Variants in ASXL3 observed in about 807,000 individuals in gnomAD.
The protein encoded by ASXL3 is putative Polycomb group protein ASXL3.
Under a neutral mutation model 170.6 loss-of-function variants are expected in ASXL3, and 34 were observed. That is an observed-to-expected ratio of 0.20 (90% CI 0.15 to 0.27). The LOEUF is 0.27. Ranked by LOEUF, ASXL3 falls within the 10% of genes least tolerant of loss-of-function variation. The pLI is 1.00. For synonymous variants in ASXL3, 1,002 were observed against 989.1 expected (o/e 1.01, Z -0.24); for missense variants, 2,592 against 2,695.3 (o/e 0.96, Z 0.85).
intron 8 of ASXL3, among the ~76,000 whole-genome samples, chr18:33,713,262 T>G (rs1160014437): frequency 1.7e-5 from 2 of 118,718 alleles, no homozygotes; most frequent in Non-Finnish European, 3.5e-5. Context: ...TTTTTTTTTT[T>G]TTTTTTTTTT....
At chr18:33,623,376 A>T (rs1199707305) in intron 2 of ASXL3, among the ~76,000 whole-genome samples, 1 of 152,134 alleles carries the variant, frequency 6.6e-6, no homozygotes, top group Non-Finnish European at 1.5e-5. Context: ...AGATTGAATG[A>T]GTGGAAATTT....
intron 8 of ASXL3, among the ~76,000 whole-genome samples, chr18:33,686,680 G>C (rs1010306096): frequency 6.6e-6 from 1 of 152,200 alleles, no homozygotes; most frequent in Non-Finnish European, 1.5e-5. Context: ...GGGCTATTCT[G>C]CTGAGGGGGA....
Position 33,607,600 on chromosome 18 carries a change from G to A in ASXL3, c.61G>A (p.Glu21Lys), listed in dbSNP as rs1403183821. The A allele has an allele frequency of 6.3e-7, 1 of 1,583,614 alleles. No individual in the cohort carries two copies. Among genetic ancestry groups the A allele is most frequent in the Middle Eastern group, 1.7e-4 (1 of 6,002 alleles). ...TWAEAARLAL[E>K]KHPNSPMTAK... ...TCTTATGTTTATATTTTAGGCACTA[G>A]AAAAACACCCCAACTCACCAATGAC... The change falls in exon 2 of 12, where the codon GAA becomes AAA. Residue 21 changes from glutamate to lysine, a missense_variant. Glu to Lys is a moderately conservative substitution (Grantham distance 56). Transcript: ENST00000269197.
chr18:33,647,845 G>A (rs1175448310), intron 4 of ASXL3, among the ~76,000 whole-genome samples: 1 of 152,020 alleles, frequency 6.6e-6, no homozygotes, highest in African/African-American at 2.4e-5. Flanking sequence ...GTGATATGGG[G>A]CAAAATACAT....
At chr18:33,637,017 A>G (rs1381674186) in intron 2 of ASXL3, among the ~76,000 whole-genome samples, 1 of 152,102 alleles carries the variant, frequency 6.6e-6, no homozygotes, top group Non-Finnish European at 1.5e-5. Flanking sequence ...ACGTTTGTGA[A>G]TTTTCAATGC....
chr18:33,733,723 CT>C (rs1175630628), intron 9 of ASXL3, among the ~76,000 whole-genome samples: 1 of 152,072 alleles, frequency 6.6e-6, no homozygotes, highest in East Asian at 1.9e-4. Context: ...TTATTTCTTG[CT>C]GTTTTACTCA....
At position 33,746,739 on chromosome 18, in the gene ASXL3, T is replaced by A; in HGVS notation, c.*144T>A. 1 of 1,324,564 alleles carries A rather than the reference T, an allele frequency of 7.5e-7. No homozygotes were observed. Among genetic ancestry groups the A allele is most frequent in the Non-Finnish European group, 1.0e-6 (1 of 1,004,776 alleles). 82.1% of individuals were successfully genotyped at this position (1,324,564 alleles called of 1,614,324 possible). A position where few individuals can be genotyped will look rare whatever the true frequency, so the allele number is the denominator to read the frequency against. ...GTACCTTTCCTCTATGGCATTATTTTCTTGCATTTCTCATAAAGGGGAGGA... is the reference window on the plus strand; with the variant it reads ...GTACCTTTCCTCTATGGCATTATTTACTTGCATTTCTCATAAAGGGGAGGA... On this transcript the variant is annotated 3_prime_UTR_variant, in exon 12 of 12. Transcript: ENST00000269197.
At chr18:33,740,589 T>C (rs1599567220) in intron 11 of ASXL3, 146 bp downstream of exon 11, 1 of 814,066 alleles carries the variant, frequency 1.2e-6, no homozygotes, top group East Asian at 2.7e-5. Flanking sequence ...AATGATCCTC[T>C]TTATGACTAT....
chr18:33,710,109 A>G (rs956586516), intron 8 of ASXL3, among the ~76,000 whole-genome samples: 7 of 152,170 alleles, frequency 4.6e-5, no homozygotes, highest in African/African-American at 1.4e-4. Context: ...TACAAAAATT[A>G]GTCAGGCGTG....
intron 3 of ASXL3, 100 bp from the exon 4 acceptor site, chr18:33,646,145 A>T (rs2065910111): frequency 3.8e-6 from 3 of 795,242 alleles, no homozygotes; most frequent in Non-Finnish European, 5.8e-6. Flanking sequence ...ATGTTAAGTC[A>T]CAAATAACTG....
intron 8 of ASXL3, among the ~76,000 whole-genome samples, chr18:33,729,135 A>T (rs890770238): frequency 2.0e-5 from 3 of 152,302 alleles, no homozygotes; most frequent in Admixed American, 1.3e-4. Flanking sequence ...CTGGAACAAG[A>T]ACTGTAGGAC....
At chr18:33,695,993 A>C (rs188182942) in intron 8 of ASXL3, among the ~76,000 whole-genome samples, 124 of 152,232 alleles carry the variant, frequency 8.1e-4, no homozygotes, top group African/African-American at 2.7e-3. Context: ...CCTAAATATG[A>C]AAAAGAGACA....
chr18:33,623,560 T>C (rs2065551561), intron 2 of ASXL3, among the ~76,000 whole-genome samples: 1 of 152,116 alleles, frequency 6.6e-6, no homozygotes, highest in Non-Finnish European at 1.5e-5. Context: ...TTGTAAGATA[T>C]TTAGTTTATG....
At chr18:33,722,843 G>C (rs2067285741) in intron 8 of ASXL3, among the ~76,000 whole-genome samples, 1 of 152,132 alleles carries the variant, frequency 6.6e-6, no homozygotes, top group African/African-American at 2.4e-5. Context: ...CCTTCTGTTA[G>C]GTGCTAATGC....
chr18:33,643,316 T>G (rs1362356806), intron 2 of ASXL3, among the ~76,000 whole-genome samples: 1 of 151,880 alleles, frequency 6.6e-6, no homozygotes, highest in Admixed American at 6.6e-5. Context: ...TTTATAGGTA[T>G]GCCTGGGCCC....
rs530549035 is a variant in ASXL3 at position 33,625,055 on chromosome 18, C to G, written c.137+17379C>G. ...TAGGATCACTGCCACGTTAATACTC[C>G]TTTATCATTTAAGATACAGATGGTT... On this transcript the variant is annotated intron_variant, in intron 2 of 11. Coordinates refer to ENST00000269197, the MANE Select transcript of ASXL3 (RefSeq NM_030632.3). Among the ~76,000 whole-genome samples, 3 of 152,240 alleles carry G rather than the reference C, an allele frequency of 2.0e-5. No homozygotes were observed. The East Asian group carries it at 5.8e-4, about 29-fold the overall frequency.
chr18:33,627,420 C>T (rs752144503), intron 2 of ASXL3, among the ~76,000 whole-genome samples: 1 of 152,228 alleles, frequency 6.6e-6, no homozygotes, highest in South Asian at 2.1e-4. Flanking sequence ...CATATTTTAA[C>T]CACAAATTTA....
At position 33,739,469 on chromosome 18, in the gene ASXL3, A is replaced by C. The variant is rs563644271; in HGVS notation, c.2065A>C (p.Ile689Leu). 65 of 1,613,990 alleles carry C rather than the reference A, an allele frequency of 4.0e-5. 1 individual carries two copies. In the East Asian group the frequency reaches 1.3e-3, roughly 33 times the overall value. ...EISPISTSPEISEASLMSNLP... is the reference protein window; with the variant it reads ...EISPISTSPELSEASLMSNLP... Reference sequence around the variant, plus strand: ...ATCTCCAATATCCACTTCACCTGAAATATCAGAAGCATCTCTTATGTCCAA... The same window carrying C: ...ATCTCCAATATCCACTTCACCTGAACTATCAGAAGCATCTCTTATGTCCAA... Residue 689 changes from isoleucine (I) to leucine (L), a missense_variant, in exon 11 of 12, where the codon ATA becomes CTA. This residue lies in a region of ASXL3 where 2,246 missense variants were observed against 2,219.6 expected (regional missense o/e 1.01). Transcript: ENST00000269197.
intron 2 of ASXL3, among the ~76,000 whole-genome samples, chr18:33,625,093 A>G (rs2065580294): frequency 6.6e-6 from 1 of 152,104 alleles, no homozygotes; most frequent in Non-Finnish European, 1.5e-5. Context: ...TGCTCCTGGG[A>G]AACTTCCCCC....
Sources: gnomAD v4.1 joint callset for allele counts (sites outside exome capture counted in the v4.1 genomes callset) on GRCh38, gnomAD v4.1.1 for gene constraint, gnomAD v4.1.1 regional missense constraint, MANE v1.5 for transcripts, NCBI Gene and HGNC (gene_info 2026-07-23, HGNC 2026-07-21) for gene names.